The following OPCML variants were observed in gnomAD, a reference collection of about 807,000 sequenced individuals.
OPCML encodes the protein opioid binding protein/cell adhesion molecule like, also known as opioid-binding protein/cell adhesion molecule.
Under a neutral mutation model 37.8 loss-of-function variants are expected in OPCML, and 13 were observed. That is an observed-to-expected ratio of 0.34 (90% CI 0.22 to 0.55). The LOEUF (loss-of-function observed/expected upper bound fraction) is 0.55. Ranked by LOEUF, OPCML falls within the 20% of genes least tolerant of loss-of-function variation. The pLI, the probability that OPCML is intolerant of heterozygous loss-of-function variation, is 0.91. For synonymous variants in OPCML, 176 were observed against 168.8 expected (o/e 1.04, Z -0.33); for missense variants, 341 against 435.6 (o/e 0.78, Z 1.93).
At chr11:133,077,295 C>T (rs1447185973) in intron 1 of OPCML, among the ~76,000 whole-genome samples, 5 of 151,860 alleles carry the variant, frequency 3.3e-5, no homozygotes, top group Admixed American at 6.6e-5. Context: ...GCTCATCACA[C>T]GGAGTCAGGT....
intron 2 of OPCML, among the ~76,000 whole-genome samples, chr11:132,738,391 C>T (rs1945327095): frequency 6.6e-6 from 1 of 152,206 alleles, no homozygotes; most frequent in African/African-American, 2.4e-5. Context: ...TTTAAATACC[C>T]TCCCTGCTTC....
In OPCML at chr11:133,212,348, C is replaced by G. The variant is rs995220406; in HGVS notation, c.62-269338G>C. On this transcript the variant is annotated intron_variant, in intron 1 of 7. Transcript: ENST00000524381. This position sits in a 1 kb window ranked among gnomAD's most constrained non-coding sequence, Gnocchi z 4.9. ...TCAGATCTCATCTCCTGCCACTCTC[C>G]CACTGCCCCTGAATCCTAGCCACAC... Among the ~76,000 whole-genome samples the G allele has an allele frequency of 6.6e-6, 1 of 152,180 alleles. No individual in the cohort carries two copies. The highest frequency in any genetic ancestry group is 2.4e-5 in the African/African-American group (1 of 41,440).
Position 132,420,069 on chromosome 11 carries a change from GA to G in OPCML, c.*123del, listed in dbSNP as rs2095952429. 13 of 454,624 alleles carry G rather than the reference GA, an allele frequency of 2.9e-5. No individual in the cohort carries two copies. The highest frequency in any genetic ancestry group is 3.7e-5 in the Non-Finnish European group (11 of 295,488). 28.2% of individuals were successfully genotyped at this position (454,624 alleles called of 1,614,324 possible). Reference sequence around the variant, plus strand: ...ACAAACAAATAAACAAAAACAAAAAGAAAACAAATCTAGAATAACAGAAAAA... The same window carrying G: ...ACAAACAAATAAACAAAAACAAAAAGAAACAAATCTAGAATAACAGAAAAA... On this transcript the variant is annotated 3_prime_UTR_variant, in exon 8 of 8. Coordinates refer to ENST00000524381, the MANE Select transcript of OPCML (RefSeq NM_001012393.5).
At chr11:132,749,813 C>G (rs1945770226) in intron 2 of OPCML, among the ~76,000 whole-genome samples, 1 of 152,252 alleles carries the variant, frequency 6.6e-6, no homozygotes, top group African/African-American at 2.4e-5. Flanking sequence ...AGTGAAGAAA[C>G]AGTTTTTAAA....
intron 1 of OPCML, among the ~76,000 whole-genome samples, chr11:133,518,537 G>T (rs1361464143): frequency 6.6e-6 from 1 of 152,048 alleles, no homozygotes; most frequent in Non-Finnish European, 1.5e-5. Flanking sequence ...GTGAGTGTGT[G>T]CATATAAATT....
intron 4 of OPCML, among the ~76,000 whole-genome samples, chr11:132,486,970 C>G (rs1021478682): frequency 1.3e-5 from 2 of 152,154 alleles, no homozygotes; most frequent in Non-Finnish European, 2.9e-5. Flanking sequence ...ATTATTGGTA[C>G]TTAGTAAACA....
chr11:133,239,316 A>T (rs1334679255), intron 1 of OPCML, among the ~76,000 whole-genome samples: 3 of 152,222 alleles, frequency 2.0e-5, no homozygotes, highest in African/African-American at 7.2e-5. Flanking sequence ...TTGGAAATGA[A>T]CAGTCTTAGC....
intron 1 of OPCML, among the ~76,000 whole-genome samples, chr11:133,331,577 T>C (rs1398699700): frequency 6.6e-6 from 1 of 152,252 alleles, no homozygotes; most frequent in East Asian, 1.9e-4. Context: ...TAGTTTATGC[T>C]GTGGGTTTAG....
Position 132,567,522 on chromosome 11 carries a change from C to A in OPCML, c.380-38336G>T, listed in dbSNP as rs2096426536. ...GCTCAAGGGACAACTAGATAGGTCT[C>A]CACAATAGGGAAATGTAAGTAGTCA... On this transcript the variant is annotated intron_variant, in intron 3 of 7. Coordinates refer to ENST00000524381, the MANE Select transcript of OPCML (RefSeq NM_001012393.5). Among the ~76,000 whole-genome samples the A allele has an allele frequency of 2.0e-5, 3 of 152,048 alleles. No individual in the cohort carries two copies. In the South Asian group the frequency reaches 6.2e-4, roughly 32 times the overall value.
chr11:133,479,760 C>T (rs1223392220), intron 1 of OPCML, among the ~76,000 whole-genome samples: 1 of 152,172 alleles, frequency 6.6e-6, no homozygotes, highest in Non-Finnish European at 1.5e-5. Flanking sequence ...CACAGAGGAC[C>T]ACACACACCC....
rs549933345 is a variant in OPCML, at chr11:132,593,332, C to T, written c.379+63755G>A. Among the ~76,000 whole-genome samples the T allele has an allele frequency of 2.6e-5, 4 of 152,262 alleles. No individual in the cohort carries two copies. In the East Asian group the frequency reaches 5.8e-4, roughly 22 times the overall value. On this transcript the variant is annotated intron_variant, in intron 3 of 7. Transcript: ENST00000524381. ...GCGAAGTGGTGGAGGCAGGCAGGGG[C>T]ACCTCACTCGGTTTCCTGTAGACCA...
At chr11:132,553,269 C>A (rs112125282) in intron 3 of OPCML, among the ~76,000 whole-genome samples, 3 of 152,148 alleles carry the variant, frequency 2.0e-5, no homozygotes, top group African/African-American at 7.2e-5. Context: ...ACAGATGGAT[C>A]GTGGCTTATG....
At chr11:132,751,132 T>C (rs2917572) in intron 2 of OPCML, among the ~76,000 whole-genome samples, 1 of 152,204 alleles carries the variant, frequency 6.6e-6, no homozygotes, top group African/African-American at 2.4e-5. Context: ...GTCTCTCATT[T>C]GGGTCAAAAT....
chr11:133,483,674 TGATAGATAGATAGATAGATAGATAGATA>T (rs141632251), intron 1 of OPCML, among the ~76,000 whole-genome samples: 43 of 146,114 alleles, frequency 2.9e-4, no homozygotes, highest in African/African-American at 1.0e-3. Context: ...GATAAATAGA[TGATAGATAGATAGATAGATAGATAGATA>T]GATAGATAGA....
intron 2 of OPCML, among the ~76,000 whole-genome samples, chr11:132,696,262 G>A (rs778757705): frequency 6.6e-6 from 1 of 152,136 alleles, no homozygotes; most frequent in Non-Finnish European, 1.5e-5. Context: ...GCATTTATGG[G>A]AGAAACTCAG....
At chr11:132,759,979 G>A (rs1176064287) in intron 2 of OPCML, among the ~76,000 whole-genome samples, 2 of 152,180 alleles carry the variant, frequency 1.3e-5, no homozygotes, top group Non-Finnish European at 2.9e-5. Context: ...CTGTGTCCCA[G>A]AGATTCTGGT....
At chr11:133,245,089 A>G (rs993552826) in intron 1 of OPCML, among the ~76,000 whole-genome samples, 13 of 152,250 alleles carry the variant, frequency 8.5e-5, no homozygotes, top group Non-Finnish European at 1.8e-4. Context: ...TGAGTCTGCC[A>G]TTGTGTAAAA....
At chr11:132,857,952 G>T (rs1942128550) in intron 2 of OPCML, among the ~76,000 whole-genome samples, 1 of 152,126 alleles carries the variant, frequency 6.6e-6, no homozygotes, top group Non-Finnish European at 1.5e-5. Flanking sequence ...ACAGGTGTGG[G>T]TGAGCACTGA....
chr11:133,214,854 A>C (rs74831449), intron 1 of OPCML, among the ~76,000 whole-genome samples: 2,290 of 152,286 alleles, frequency 0.015, 54 homozygotes, highest in African/African-American at 0.051. Context: ...GAGCCAATAG[A>C]GAGTGTGTGT....
Sources: gnomAD v4.1 joint callset for allele counts (sites outside exome capture counted in the v4.1 genomes callset) on GRCh38, gnomAD v4.1.1 for gene constraint, Gnocchi (gnomAD v3.1) non-coding constraint, MANE v1.5 for transcripts, NCBI Gene and HGNC (gene_info 2026-07-23, HGNC 2026-07-21) for gene names.